The following COL4A6 variants were observed in gnomAD, a reference collection of about 807,000 sequenced individuals.
COL4A6 encodes the protein collagen type IV alpha 6 chain.
Under a neutral mutation model 126.7 loss-of-function variants are expected in COL4A6, and 59 were observed. The ratio of observed to expected loss-of-function variants is 0.47; its 90% CI spans 0.38 to 0.58. The LOEUF (loss-of-function observed/expected upper bound fraction) is 0.58. Among genes scored for constraint, COL4A6 ranks in the 20% least tolerant of loss-of-function variants. The pLI is 0.00. For missense variants in COL4A6, 1,285 were observed against 1,337.3 expected, an observed-to-expected ratio of 0.96 and a Z score of 0.61; for synonymous variants, 547 against 496.6, an observed-to-expected ratio of 1.10 and a Z score of -1.35.
rs1322390116 is a variant in COL4A6 at position 108,175,196 on chromosome X, C to T, written c.2850G>A (p.Gly950=). 1 of 1,191,211 alleles carries T rather than the reference C, an allele frequency of 8.4e-7. No individual in the cohort carries two copies. The highest frequency in any genetic ancestry group is 1.8e-5 in the African/African-American group (1 of 56,789). ...PGEKGDRGNP[G]PVGIPSPRRP... ...GTCTTGGACTAGGTATTCCGACTGG[C>T]CCCGGATTGCCTCTGTCTCCTGCAG... Residue 950 remains glycine (G), a synonymous_variant, in exon 30 of 45, where the codon GGG becomes GGA. Coordinates refer to ENST00000334504, the MANE Select transcript of COL4A6 (RefSeq NM_033641.4).
chrX:108,325,939 T>A (rs923282578), intron 2 of COL4A6, among the ~76,000 whole-genome samples: 3 of 111,858 alleles, frequency 2.7e-5, no homozygotes, highest in Admixed American at 9.5e-5. Flanking sequence ...CTAAAAGGCA[T>A]CTATGGAAAA....
In COL4A6 at chrX:108,176,821, T is replaced by C. The variant is rs2034507262; in HGVS notation, c.2686+20A>G. 1 of 1,193,582 alleles carries C rather than the reference T, an allele frequency of 8.4e-7. No individual in the cohort carries two copies. The highest frequency in any genetic ancestry group is 1.1e-6 in the Non-Finnish European group (1 of 888,476). On this transcript the variant is annotated intron_variant, in intron 28 of 44. Transcript: ENST00000334504. ...TCCTTTTTGGCAACCACTGGTCACT[T>C]CACTGATCACTTCACTTACCCTTGG...
intron 3 of COL4A6, among the ~76,000 whole-genome samples, chrX:108,262,750 C>T (rs776052459): frequency 5.4e-5 from 6 of 111,168 alleles, no homozygotes; most frequent in South Asian, 3.8e-4. Context: ...GGACCAATCA[C>T]GGATTGGTGG....
chrX:108,196,590 A>C lies in COL4A6; in HGVS notation c.835-11T>G. The C allele has an allele frequency of 8.5e-7, 1 of 1,174,185 alleles. No homozygotes were observed. The highest frequency in any genetic ancestry group is 3.1e-5 in the East Asian group (1 of 32,642). ...AGTAGTTCCAAGGCCCTAAATGAAA[A>C]AAGAAACCACAAGTTATAACGTTTG... On this transcript the variant is annotated splice_polypyrimidine_tract_variant and intron_variant, in intron 13 of 44. Coordinates refer to ENST00000334504, the MANE Select transcript of COL4A6 (RefSeq NM_033641.4).
chrX:108,205,370 C>T lies in COL4A6; in HGVS notation c.687+69G>A, dbSNP rs753969346. On this transcript the variant is annotated intron_variant, in intron 11 of 44. Transcript: ENST00000334504. ...ACAAATCCTCTTACACAAGCAGGCA[C>T]ATGTGTGTAATCAGACACATTTCTT... The T allele has an allele frequency of 1.2e-5, 10 of 868,238 alleles. No individual in the cohort carries two copies. The Admixed American group carries it at 1.4e-4, about 12-fold the overall frequency. The allele number at this position is 868,238 out of a possible 1,213,427, so 71.6% of individuals were successfully genotyped here.
At chrX:108,169,759 T>C (rs780217195) in intron 36 of COL4A6, 139 bp from the exon 37 acceptor site, 7 of 946,417 alleles carry the variant, frequency 7.4e-6, no homozygotes, top group Non-Finnish European at 1.0e-5. Context: ...AGAAAGTTAA[T>C]CTGAGTAGAA....
At chrX:108,218,629 A>G (rs1440330773) in intron 5 of COL4A6, among the ~76,000 whole-genome samples, 6 of 112,206 alleles carry the variant, frequency 5.3e-5, no homozygotes, top group African/African-American at 1.9e-4. Context: ...GAGTGCTAAC[A>G]TACAGCAGGG....
Position 108,179,354 on chromosome X carries a change from C to T in COL4A6, c.2216G>A (p.Ser739Asn). 4 of 1,211,296 alleles carry T rather than the reference C, an allele frequency of 3.3e-6. No individual in the cohort carries two copies. The highest frequency in any genetic ancestry group is 4.5e-6 in the Non-Finnish European group (4 of 895,284). Residue 739 changes from serine to asparagine, a missense_variant, in exon 26 of 45, where the codon AGT (serine) becomes AAT (asparagine). By Grantham distance (46) the Ser-to-Asn change is conservative. Coordinates refer to ENST00000334504, the MANE Select transcript of COL4A6 (RefSeq NM_033641.4). ...TCCCTTGGAACCAGGTAAGCCTGGA[C>T]TGCCAATCATCCCAGGCAAGCCATC... ...GKDGLPGMIGSPGLPGSKGAT... is the reference protein window; with the variant it reads ...GKDGLPGMIGNPGLPGSKGAT...
At chrX:108,257,606 C>T (rs2037040399) in intron 3 of COL4A6, among the ~76,000 whole-genome samples, 1 of 111,411 alleles carries the variant, frequency 9.0e-6, no homozygotes, top group Non-Finnish European at 1.9e-5. Flanking sequence ...CTTGTCCAAA[C>T]CTCTTTCCTT....
chrX:108,365,053 G>A (rs1246269116), intron 2 of COL4A6, among the ~76,000 whole-genome samples: 1 of 111,300 alleles, frequency 9.0e-6, no homozygotes, highest in Non-Finnish European at 1.9e-5. Context: ...ATGTGCGCAT[G>A]CTCTTCCCTC....
chrX:108,279,463 C>A (rs1344134420), intron 3 of COL4A6, among the ~76,000 whole-genome samples: 2 of 111,823 alleles, frequency 1.8e-5, no homozygotes, highest in Non-Finnish European at 3.8e-5. Flanking sequence ...TATATATGCA[C>A]CCAATACAGG....
intron 2 of COL4A6, among the ~76,000 whole-genome samples, chrX:108,333,843 G>C (rs763971961): frequency 4.3e-4 from 48 of 111,165 alleles, no homozygotes; most frequent in Non-Finnish European, 8.3e-4. Context: ...TAACCAAGGA[G>C]TTAAAAGATA....
At position 108,438,394 on chromosome X, in the gene COL4A6, C is replaced by T. The variant is rs2064313754; in HGVS notation, c.-198G>A. On this transcript the variant is annotated 5_prime_UTR_variant, in exon 1 of 45. Coordinates refer to ENST00000334504, the MANE Select transcript of COL4A6 (RefSeq NM_033641.4). The stretch of plus-strand genomic sequence containing the variant: ...CCAAAGGGAAACAGGCTCAGCGGTG[C>T]CCGTTACAACTTGCAGCACTCAGGA... The T allele has an allele frequency of 9.5e-7, 1 of 1,048,244 alleles. No individual in the cohort carries two copies. The allele number at this position is 1,048,244 out of a possible 1,213,427, so 86.4% of individuals were successfully genotyped here. A position where few individuals can be genotyped will look rare whatever the true frequency, so the allele number is the denominator to read the frequency against.
At chrX:108,286,528 G>A (rs1278773080) in intron 3 of COL4A6, among the ~76,000 whole-genome samples, 1 of 111,528 alleles carries the variant, frequency 9.0e-6, no homozygotes, top group Non-Finnish European at 1.9e-5. Flanking sequence ...TGTGACCCTG[G>A]GACTAAGTTC....
chrX:108,293,008 A>AAAAAAAAAAAAC (rs2038210466), intron 3 of COL4A6, among the ~76,000 whole-genome samples: 1 of 103,683 alleles, frequency 9.6e-6, no homozygotes, highest in Non-Finnish European at 2.0e-5. Context: ...AAAAAAAAAA[A>AAAAAAAAAAAAC]AAAAAAAAAA....
intron 3 of COL4A6, among the ~76,000 whole-genome samples, chrX:108,239,549 T>C (rs146769692): frequency 4.8e-3 from 542 of 111,980 alleles, no homozygotes; most frequent in African/African-American, 0.017. Flanking sequence ...AGGTTCTTCC[T>C]GGATATCCTA....
intron 3 of COL4A6, among the ~76,000 whole-genome samples, chrX:108,246,690 T>A (rs2036724859): frequency 9.0e-6 from 1 of 111,125 alleles, no homozygotes; most frequent in Non-Finnish European, 1.9e-5. Context: ...CTACTGTGAT[T>A]GAACTCTGGC....
At chrX:108,308,487 T>C (rs2038681833) in intron 3 of COL4A6, among the ~76,000 whole-genome samples, 1 of 112,298 alleles carries the variant, frequency 8.9e-6, no homozygotes. Context: ...GTCATTTTTA[T>C]TTGCTGTATC....
intron 6 of COL4A6, among the ~76,000 whole-genome samples, chrX:108,212,285 C>T (rs1453240232): frequency 9.1e-6 from 1 of 109,428 alleles, no homozygotes; most frequent in East Asian, 2.8e-4. Context: ...AGTTTGTAGA[C>T]CTCTGGTCTA....
Sources: gnomAD v4.1 joint callset for allele counts (sites outside exome capture counted in the v4.1 genomes callset) on GRCh38, gnomAD v4.1.1 for gene constraint, MANE v1.5 for transcripts, NCBI Gene and HGNC (gene_info 2026-07-23, HGNC 2026-07-21) for gene names.